NKAIN1: variants seen among roughly 807,000 people sequenced by gnomAD.
NKAIN1 encodes sodium/potassium-transporting ATPase subunit beta-1-interacting protein 1.
Under a neutral mutation model 31.6 loss-of-function variants are expected in NKAIN1, and 13 were observed. The observed-to-expected ratio is 0.41, with a 90% CI of 0.27 to 0.65. The LOEUF is 0.65. NKAIN1 is among the 30% of genes least tolerant of loss of function. The probability of loss-of-function intolerance (pLI) is 0.30; values close to 1 mark genes in which losing one functional copy is unlikely to be tolerated. For synonymous variants in NKAIN1, 104 were observed against 109.0 expected (o/e 0.95, Z 0.28); for missense variants, 193 against 262.2 (o/e 0.74, Z 1.82).
chr1:31,213,619 C>T (rs1405324406), intron 1 of NKAIN1, among the ~76,000 whole-genome samples: 1 of 152,184 alleles, frequency 6.6e-6, no homozygotes, highest in African/African-American at 2.4e-5. Context: ...AAAGCTTGTA[C>T]ATAAATGCTC....
intron 1 of NKAIN1, among the ~76,000 whole-genome samples, chr1:31,203,012 G>A (rs10914320): frequency 0.76 from 108,297 of 142,636 alleles, 41,130 homozygotes; most frequent in Middle Eastern, 0.9. Context: ...AGTGGCTCAC[G>A]CGGGTAATCC....
intron 1 of NKAIN1, among the ~76,000 whole-genome samples, chr1:31,228,804 C>T (rs1312265310): frequency 6.6e-6 from 1 of 152,080 alleles, no homozygotes; most frequent in East Asian, 1.9e-4. Flanking sequence ...CTGTGTTGCC[C>T]AGGCTGGTCT....
chr1:31,189,074 A>G (rs35077499), intron 1 of NKAIN1, among the ~76,000 whole-genome samples: 91,724 of 151,660 alleles, frequency 0.6, 29,550 homozygotes, highest in Middle Eastern at 0.82. Context: ...TGCTTCACTT[A>G]TAACAAGACC....
intron 1 of NKAIN1, among the ~76,000 whole-genome samples, chr1:31,193,601 C>A (rs1219811107): frequency 6.6e-6 from 1 of 151,938 alleles, no homozygotes; most frequent in Non-Finnish European, 1.5e-5. Context: ...GAGGCTGAGG[C>A]AGGAGAATTA....
chr1:31,224,211 G>A (rs1645584819), intron 1 of NKAIN1, among the ~76,000 whole-genome samples: 1 of 152,162 alleles, frequency 6.6e-6, no homozygotes, highest in Admixed American at 6.5e-5. Flanking sequence ...CCCTCTGAGA[G>A]CCGATGATAG....
intron 1 of NKAIN1, among the ~76,000 whole-genome samples, chr1:31,197,272 C>T (rs189260374): frequency 3.5e-4 from 53 of 151,782 alleles, no homozygotes; most frequent in African/African-American, 9.9e-4. Context: ...CCAGCACGCC[C>T]GGCTAATTTT....
chr1:31,230,117 A>G (rs1369809447), intron 1 of NKAIN1, among the ~76,000 whole-genome samples: 1 of 152,184 alleles, frequency 6.6e-6, no homozygotes, highest in Non-Finnish European at 1.5e-5. Flanking sequence ...CCTTCCATTC[A>G]TTGAGAAAGG....
At chr1:31,207,919 C>T (rs112612091) in intron 1 of NKAIN1, among the ~76,000 whole-genome samples, 59 of 152,204 alleles carry the variant, frequency 3.9e-4, no homozygotes, top group African/African-American at 1.4e-3. Flanking sequence ...TCCCAGGTTA[C>T]ACAGTCAGGA....
At chr1:31,224,940 C>T (rs1328400079) in intron 1 of NKAIN1, among the ~76,000 whole-genome samples, 4 of 152,026 alleles carry the variant, frequency 2.6e-5, no homozygotes, top group Admixed American at 6.5e-5. Flanking sequence ...CCAAAGCCAG[C>T]GGACACTGCA....
chr1:31,237,940 G>A (rs1214558473), intron 1 of NKAIN1, among the ~76,000 whole-genome samples: 1 of 152,034 alleles, frequency 6.6e-6, no homozygotes, highest in Non-Finnish European at 1.5e-5. Context: ...CCTCTGAAAG[G>A]TTTAAACATT....
intron 5 of NKAIN1, 39 bp from the exon 6 acceptor site, chr1:31,181,980 G>A: frequency 1.3e-6 from 2 of 1,571,042 alleles, no homozygotes; most frequent in African/African-American, 1.3e-5. Flanking sequence ...GATCGGCGGC[G>A]GGGGCGAGGA....
intron 1 of NKAIN1, among the ~76,000 whole-genome samples, chr1:31,226,171 G>A (rs10449231): frequency 0.014 from 2,207 of 152,348 alleles, 69 homozygotes; most frequent in African/African-American, 0.05. Context: ...AGAAACCAAG[G>A]TATAGAGACG....
In NKAIN1 at chr1:31,195,479, G is replaced by A. The variant is rs879127334; in HGVS notation, c.55-7292C>T. 4.6e-5 allele frequency among the ~76,000 whole-genome samples: 7 copies of A among 151,840 alleles called. No individual in the cohort carries two copies. The East Asian group carries it at 5.8e-4, about 13-fold the overall frequency. On this transcript the variant is annotated intron_variant, in intron 1 of 6. Transcript: ENST00000373736. Reference sequence around the variant, plus strand: ...TGCCCTGCCGCCGCGGCTGGCCCCCGCCACCTGCACTCTGGATCCAGCTCC... The same window carrying A: ...TGCCCTGCCGCCGCGGCTGGCCCCCACCACCTGCACTCTGGATCCAGCTCC...
chr1:31,238,939 T>C (rs1014039065), intron 1 of NKAIN1, among the ~76,000 whole-genome samples: 6 of 152,002 alleles, frequency 3.9e-5, no homozygotes, highest in African/African-American at 1.5e-4. Flanking sequence ...GAGTCTAAGA[T>C]CCCAGAACAC....
chr1:31,203,430 C>G (rs986564610), intron 1 of NKAIN1, among the ~76,000 whole-genome samples: 3 of 148,758 alleles, frequency 2.0e-5, no homozygotes, highest in African/African-American at 7.3e-5. Context: ...TGAAACGGCG[C>G]TGCAGAGCCA....
chr1:31,229,378 A>C (rs1645629811), intron 1 of NKAIN1, among the ~76,000 whole-genome samples: 1 of 151,986 alleles, frequency 6.6e-6, no homozygotes, highest in Admixed American at 6.6e-5. Flanking sequence ...AATATGCTAC[A>C]TGGGCATCTG....
intron 1 of NKAIN1, among the ~76,000 whole-genome samples, chr1:31,238,731 G>C (rs1645710214): frequency 6.6e-6 from 1 of 152,100 alleles, no homozygotes; most frequent in Non-Finnish European, 1.5e-5. Context: ...CTGGTGGGTG[G>C]AACTGATGAC....
At chr1:31,234,403 G>A (rs1428480433) in intron 1 of NKAIN1, among the ~76,000 whole-genome samples, 1 of 152,078 alleles carries the variant, frequency 6.6e-6, no homozygotes, top group Admixed American at 6.6e-5. Context: ...GGTTGACCAT[G>A]TTTCACACCA....
rs796531844 is a variant in NKAIN1, at chr1:31,200,045, A to ATGCATG, written c.55-11859_55-11858insCATGCA. The stretch of plus-strand genomic sequence containing the variant: ...CACACGCACACACACACACATGCAC[A>ATGCATG]CGTGCACACACGCACGCGCACGCAC... On this transcript the variant is annotated intron_variant, in intron 1 of 6. Coordinates refer to ENST00000373736, the MANE Select transcript of NKAIN1 (RefSeq NM_024522.3). 7.5e-3 allele frequency among the ~76,000 whole-genome samples: 1,131 copies of ATGCATG among 151,246 alleles called. 15 individuals carry two copies. Among genetic ancestry groups the ATGCATG allele is most frequent in the African/African-American group, 0.021 (860 of 41,426 alleles).
Sources: gnomAD v4.1 joint callset for allele counts (sites outside exome capture counted in the v4.1 genomes callset) on GRCh38, gnomAD v4.1.1 for gene constraint, MANE v1.5 for transcripts, NCBI Gene and HGNC (gene_info 2026-07-23, HGNC 2026-07-21) for gene names.